SORCS1: variants seen among roughly 807,000 people sequenced by gnomAD.
The protein encoded by SORCS1 is VPS10 domain-containing receptor SorCS1.
SORCS1 carries 60 observed loss-of-function variants against 146.1 expected under a neutral mutation model. The observed-to-expected ratio is 0.41, with a 90% CI of 0.33 to 0.51. The LOEUF (loss-of-function observed/expected upper bound fraction) is 0.51, where lower values mean the gene tolerates loss of function less well. Ranked by LOEUF, SORCS1 falls within the 20% of genes least tolerant of loss-of-function variation. The pLI is 0.21. For synonymous variants in SORCS1, 637 were observed against 584.0 expected (o/e 1.09, Z -1.31); for missense variants, 1,352 against 1,487.6 (o/e 0.91, Z 1.50).
chr10:106,967,082 C>T (rs919591809), intron 1 of SORCS1, among the ~76,000 whole-genome samples: 1 of 148,618 alleles, frequency 6.7e-6, no homozygotes. Flanking sequence ...ACAGGTTCTT[C>T]TATTTCCCAA....
chr10:106,967,660 A>G (rs1955562381), intron 1 of SORCS1, among the ~76,000 whole-genome samples: 1 of 152,192 alleles, frequency 6.6e-6, no homozygotes, highest in Admixed American at 6.5e-5. Flanking sequence ...ACCACGTAGC[A>G]TATCTTGCGC....
chr10:106,946,811 C>A (rs1348819083), intron 2 of SORCS1, among the ~76,000 whole-genome samples: 2 of 152,164 alleles, frequency 1.3e-5, no homozygotes, highest in African/African-American at 4.8e-5. Context: ...AGGACAGGAA[C>A]AATTATTTAC....
intron 21 of SORCS1, among the ~76,000 whole-genome samples, chr10:106,616,458 T>C (rs906286784): frequency 2.6e-5 from 4 of 151,888 alleles, no homozygotes; most frequent in Admixed American, 2.0e-4. Context: ...CTGAAAAAAA[T>C]GGGGATCATA....
chr10:106,999,029 A>G (rs1957108634), intron 1 of SORCS1, among the ~76,000 whole-genome samples: 1 of 152,248 alleles, frequency 6.6e-6, no homozygotes, highest in South Asian at 2.1e-4. Flanking sequence ...TTCTTCAGGA[A>G]TAAGTAGTAA....
chr10:106,738,500 C>G (rs1279206086), intron 5 of SORCS1, among the ~76,000 whole-genome samples: 1 of 152,276 alleles, frequency 6.6e-6, no homozygotes, highest in East Asian at 1.9e-4. Flanking sequence ...AGAAGCAGTG[C>G]TAAGGACTTC....
At chr10:107,131,905 A>G (rs1266891486) in intron 1 of SORCS1, among the ~76,000 whole-genome samples, 1 of 152,086 alleles carries the variant, frequency 6.6e-6, no homozygotes, top group Non-Finnish European at 1.5e-5. Flanking sequence ...CTTTCTTTCC[A>G]CTTCTTTCTT....
chr10:106,699,182 T>C (rs1175578876), intron 9 of SORCS1, 32 bp downstream of exon 9: 2 of 1,560,658 alleles, frequency 1.3e-6, no homozygotes, highest in African/African-American at 2.7e-5. Flanking sequence ...GGCACTGCTG[T>C]GGCTTAGGAC....
intron 2 of SORCS1, among the ~76,000 whole-genome samples, chr10:106,925,779 A>G (rs1349826342): frequency 6.6e-6 from 1 of 152,208 alleles, no homozygotes; most frequent in Non-Finnish European, 1.5e-5. Context: ...GAACAATTGC[A>G]CTGTATATTT....
intron 2 of SORCS1, among the ~76,000 whole-genome samples, chr10:106,924,601 G>A (rs1177495766): frequency 2.0e-5 from 3 of 152,112 alleles, no homozygotes; most frequent in African/African-American, 7.2e-5. Flanking sequence ...GTAAGAACAA[G>A]AGGATAGGTG....
At chr10:106,868,285 CATT>C (rs1950291847) in intron 2 of SORCS1, among the ~76,000 whole-genome samples, 1 of 151,866 alleles carries the variant, frequency 6.6e-6, no homozygotes, top group Non-Finnish European at 1.5e-5. Flanking sequence ...AGTATTAGAT[CATT>C]GAGGGAGAAA....
the SORCS1 span, among the ~76,000 whole-genome samples, chr10:107,177,843 C>G: frequency 6.6e-6 from 1 of 152,160 alleles, no homozygotes; most frequent in Non-Finnish European, 1.5e-5. Flanking sequence ...AAAATCATTT[C>G]TTTGCAGGGA....
intron 10 of SORCS1, among the ~76,000 whole-genome samples, chr10:106,682,982 G>T (rs868186378): frequency 5.9e-4 from 90 of 152,214 alleles, no homozygotes; most frequent in Non-Finnish European, 8.8e-4. Flanking sequence ...ATCATCAATT[G>T]GTAAATTCTA....
chr10:106,850,867 C>T (rs1322580244), intron 2 of SORCS1, among the ~76,000 whole-genome samples: 3 of 152,178 alleles, frequency 2.0e-5, no homozygotes, highest in African/African-American at 4.8e-5. Flanking sequence ...CACACACGCC[C>T]TACGGCCCTA....
At chr10:106,926,673 G>A (rs954929011) in intron 2 of SORCS1, among the ~76,000 whole-genome samples, 7 of 151,860 alleles carry the variant, frequency 4.6e-5, no homozygotes, top group Non-Finnish European at 1.0e-4. Flanking sequence ...TCATCCATAG[G>A]AACAAACACA....
chr10:107,025,847 G>A (rs1373718964), intron 1 of SORCS1, among the ~76,000 whole-genome samples: 1 of 152,208 alleles, frequency 6.6e-6, no homozygotes, highest in Non-Finnish European at 1.5e-5. Flanking sequence ...CAGTCAGCAA[G>A]CGTGAGAGCC....
intron 2 of SORCS1, among the ~76,000 whole-genome samples, chr10:106,839,496 T>G (rs1164466425): frequency 6.6e-6 from 1 of 152,128 alleles, no homozygotes; most frequent in Non-Finnish European, 1.5e-5. Flanking sequence ...ATTTGGTTCA[T>G]GAGGAAAAAA....
chr10:106,937,972 G>GAAAAAAAAAAAAAA (rs76116094), intron 2 of SORCS1, among the ~76,000 whole-genome samples: 1 of 129,174 alleles, frequency 7.7e-6, no homozygotes. Context: ...TCAAAAAGAA[G>GAAAAAAAAAAAAAA]AAAAAAAAAA....
chr10:106,935,884 C>G lies in SORCS1; in HGVS notation c.626+20629G>C, dbSNP rs575914902. Among the ~76,000 whole-genome samples the G allele has an allele frequency of 2.0e-5, 3 of 152,284 alleles. No individual in the cohort carries two copies. The South Asian group carries it at 6.2e-4, about 32-fold the overall frequency. ...TCTTTGCAAAAGTTTGAGGGAAATT[C>G]AAGTAGGTGAAGCTATTTCAATTTG... On this transcript the variant is annotated intron_variant, in intron 2 of 25. Coordinates refer to ENST00000263054, the MANE Select transcript of SORCS1 (RefSeq NM_052918.5).
chr10:106,931,531 G>T (rs1328492176), intron 2 of SORCS1, among the ~76,000 whole-genome samples: 2 of 152,130 alleles, frequency 1.3e-5, no homozygotes, highest in Non-Finnish European at 2.9e-5. Flanking sequence ...CTGAAAGCTG[G>T]CAATCTCCCC....
Sources: gnomAD v4.1 joint callset for allele counts (sites outside exome capture counted in the v4.1 genomes callset) on GRCh38, gnomAD v4.1.1 for gene constraint, MANE v1.5 for transcripts, NCBI Gene and HGNC (gene_info 2026-07-23, HGNC 2026-07-21) for gene names.